Variants in EAPP observed in about 807,000 individuals in gnomAD.
EAPP encodes E2F-associated phosphoprotein.
Under a neutral mutation model 34.3 loss-of-function variants are expected in EAPP, and 38 were observed. The ratio of observed to expected loss-of-function variants is 1.11; its 90% CI spans 0.85 to 1.45. The LOEUF (loss-of-function observed/expected upper bound fraction) is 1.45. EAPP is among the 40% of genes most tolerant of loss of function. The pLI is 0.00. For missense variants in EAPP, 338 were observed against 343.7 expected (o/e 0.98, Z 0.13); for synonymous variants, 113 against 117.6 (o/e 0.96, Z 0.25).
chr14:34,529,055 GA>G (rs1244848695), intron 4 of EAPP, among the ~76,000 whole-genome samples: 4 of 152,070 alleles, frequency 2.6e-5, no homozygotes, highest in Non-Finnish European at 5.9e-5. Flanking sequence ...AGAATCTCTT[GA>G]ACGCAGGAGG....
chr14:34,525,411 G>A (rs1185257611), intron 4 of EAPP, among the ~76,000 whole-genome samples: 1 of 152,126 alleles, frequency 6.6e-6, no homozygotes, highest in Admixed American at 6.6e-5. Context: ...ATGTACTCTT[G>A]ATATAATGTG....
At chr14:34,524,288 C>A (rs1339717356) in intron 5 of EAPP, among the ~76,000 whole-genome samples, 2 of 152,140 alleles carry the variant, frequency 1.3e-5, no homozygotes, top group Non-Finnish European at 2.9e-5. Flanking sequence ...CACTTGGAGG[C>A]TGAGGCAGAA....
In EAPP at chr14:34,539,641, C is replaced by T; in HGVS notation, c.-13G>A. ...GAAGCCGGTTCATGGTGGCCTGCAGCGGCCTACACCGTCCACAAGCAATTT... is the reference window on the plus strand; with the variant it reads ...GAAGCCGGTTCATGGTGGCCTGCAGTGGCCTACACCGTCCACAAGCAATTT... On this transcript the variant is annotated 5_prime_UTR_variant, in exon 1 of 6. Transcript: ENST00000250454. The T allele has an allele frequency of 6.5e-7, 1 of 1,535,170 alleles. No individual in the cohort carries two copies. The highest frequency in any genetic ancestry group is 8.8e-7 in the Non-Finnish European group (1 of 1,141,378).
chr14:34,538,015 TATA>T (rs2138227843), intron 1 of EAPP, among the ~76,000 whole-genome samples: 1 of 152,332 alleles, frequency 6.6e-6, no homozygotes, highest in Admixed American at 6.5e-5. Flanking sequence ...GTTTTGTTTT[TATA>T]ATATTTATCT....
At chr14:34,537,122 C>T (rs1160297964) in intron 1 of EAPP, among the ~76,000 whole-genome samples, 3 of 152,016 alleles carry the variant, frequency 2.0e-5, no homozygotes, top group South Asian at 2.1e-4. Flanking sequence ...GCCAACCAAC[C>T]GCCTCACCCT....
At chr14:34,532,401 G>C (rs1169856877) in intron 3 of EAPP, among the ~76,000 whole-genome samples, 4 of 151,674 alleles carry the variant, frequency 2.6e-5, no homozygotes, top group African/African-American at 9.7e-5. Context: ...ACAGGTTGCA[G>C]TGAACCAAGA....
intron 5 of EAPP, among the ~76,000 whole-genome samples, chr14:34,520,609 C>A (rs1470811753): frequency 6.6e-6 from 1 of 152,156 alleles, no homozygotes; most frequent in African/African-American, 2.4e-5. Context: ...CCAAACAATT[C>A]TCGTGCCTCA....
intron 4 of EAPP, among the ~76,000 whole-genome samples, chr14:34,527,978 AT>A (rs1566447920): frequency 6.6e-6 from 1 of 151,958 alleles, no homozygotes; most frequent in Non-Finnish European, 1.5e-5. Context: ...CTCAAAAAAA[AT>A]TTTTAACTGC....
intron 2 of EAPP, among the ~76,000 whole-genome samples, chr14:34,534,017 C>G (rs958746251): frequency 6.6e-6 from 1 of 152,112 alleles, no homozygotes; most frequent in African/African-American, 2.4e-5. Context: ...GCCCATATCC[C>G]TAATTCCTCT....
At chr14:34,517,151 G>A (rs1879763409) in intron 5 of EAPP, among the ~76,000 whole-genome samples, 1 of 151,606 alleles carries the variant, frequency 6.6e-6, no homozygotes, top group Non-Finnish European at 1.5e-5. Flanking sequence ...TGTTAGCCAG[G>A]ATGGTCTCGA....
Position 34,529,456 on chromosome 14 carries a change from T to C in EAPP, c.372A>G (p.Lys124=). 1 of 1,611,926 alleles carries C rather than the reference T, an allele frequency of 6.2e-7. No individual in the cohort carries two copies. Among genetic ancestry groups the C allele is most frequent in the Non-Finnish European group, 8.5e-7 (1 of 1,179,492 alleles). Residue 124 remains lysine, a synonymous_variant, in exon 4 of 6, where the codon AAA becomes AAG. Transcript: ENST00000250454. The part of the protein sequence containing the change: ...EDRAVQVTKK[K]KKKQHKIPTN... ...TTGGAATCTTGTGTTGTTTCTTCTTTTTTTTCTTGGTCACCTGTACTAATT... is the reference window on the plus strand; with the variant it reads ...TTGGAATCTTGTGTTGTTTCTTCTTCTTTTTCTTGGTCACCTGTACTAATT...
chr14:34,533,396 C>G (rs76593361), intron 3 of EAPP, 48 bp downstream of exon 3: 3 of 1,467,634 alleles, frequency 2.0e-6, no homozygotes, highest in Non-Finnish European at 2.9e-6. Context: ...GTTAGGTAAA[C>G]CTTTTTTATA....
In EAPP at chr14:34,536,289, A is replaced by G; in HGVS notation, c.75-14T>C. 1.3e-6 allele frequency: 2 copies of G among 1,567,084 alleles called. No homozygotes were observed. Among genetic ancestry groups the G allele is most frequent in the Non-Finnish European group, 1.7e-6 (2 of 1,161,752 alleles). ...TCATCCTCAGAGCTAGCATACATTT[A>G]AATCAAAAAGAATATGAATATTTAA... On this transcript the variant is annotated splice_polypyrimidine_tract_variant and intron_variant, in intron 1 of 5. Transcript: ENST00000250454.
At chr14:34,529,263 A>C in intron 4 of EAPP, 95 bp downstream of exon 4, 1 of 905,624 alleles carries the variant, frequency 1.1e-6, no homozygotes, top group Non-Finnish European at 1.7e-6. Flanking sequence ...GTGTTTGTGT[A>C]AACATATACA....
In EAPP at chr14:34,539,274, T is replaced by C. The variant is rs1022308151; in HGVS notation, c.74+281A>G. ...GACTTGCCTTCCGTCACTCTGCTACTAAGGTGTAGAGACAGGTTTCGATCT... is the reference window on the plus strand; with the variant it reads ...GACTTGCCTTCCGTCACTCTGCTACCAAGGTGTAGAGACAGGTTTCGATCT... On this transcript the variant is annotated intron_variant, in intron 1 of 5. Transcript: ENST00000250454. 4 of 626,264 alleles carry C rather than the reference T, an allele frequency of 6.4e-6. No homozygotes were observed. The Admixed American group carries it at 6.7e-5, about 10-fold the overall frequency. The allele number at this position is 626,264 out of a possible 1,614,324, so 38.8% of individuals were successfully genotyped here. A position where few individuals can be genotyped will look rare whatever the true frequency, so the allele number is the denominator to read the frequency against.
intron 5 of EAPP, among the ~76,000 whole-genome samples, chr14:34,524,024 G>A (rs1880009761): frequency 6.6e-6 from 1 of 151,780 alleles, no homozygotes; most frequent in Admixed American, 6.6e-5. Flanking sequence ...GGGAGGCCGA[G>A]GTGGGCAGAT....
intron 5 of EAPP, among the ~76,000 whole-genome samples, chr14:34,521,727 T>C (rs946018592): frequency 1.3e-5 from 2 of 150,590 alleles, no homozygotes; most frequent in African/African-American, 2.4e-5. Flanking sequence ...CTCTGCCTCC[T>C]GGGTTCAAGC....
At chr14:34,533,362 G>C in intron 3 of EAPP, 82 bp downstream of exon 3, 1 of 1,201,268 alleles carries the variant, frequency 8.3e-7, no homozygotes, top group Non-Finnish European at 1.2e-6. Flanking sequence ...CAAACTCAGA[G>C]GGAAATCCTA....
At chr14:34,524,385 T>C (rs1482063389) in intron 5 of EAPP, among the ~76,000 whole-genome samples, 4 of 151,950 alleles carry the variant, frequency 2.6e-5, no homozygotes, top group Admixed American at 2.6e-4. Flanking sequence ...TGAGACTTCA[T>C]CTCAACAAAA....
Sources: gnomAD v4.1 joint callset for allele counts (sites outside exome capture counted in the v4.1 genomes callset) on GRCh38, gnomAD v4.1.1 for gene constraint, MANE v1.5 for transcripts, NCBI Gene and HGNC (gene_info 2026-07-23, HGNC 2026-07-21) for gene names.